Variants in KCNQ5 observed in about 807,000 individuals in gnomAD.
KCNQ5 encodes potassium voltage-gated channel subfamily KQT member 5.
In KCNQ5, 30 loss-of-function variants were observed where a neutral mutation model predicts 98.2. That is an observed-to-expected ratio of 0.31 (90% CI 0.23 to 0.41). The LOEUF (loss-of-function observed/expected upper bound fraction) is 0.41, where lower values mean the gene tolerates loss of function less well. Among genes scored for constraint, KCNQ5 ranks in the 10% least tolerant of loss-of-function variants. The pLI is 1.00. For missense variants in KCNQ5, 835 were observed against 1,182.5 expected, an observed-to-expected ratio of 0.71 and a Z score of 4.31; for synonymous variants, 458 against 449.4, an observed-to-expected ratio of 1.02 and a Z score of -0.24.
intron 1 of KCNQ5, among the ~76,000 whole-genome samples, chr6:72,799,270 T>G (rs1229870054): frequency 6.6e-6 from 1 of 152,168 alleles, no homozygotes; most frequent in Non-Finnish European, 1.5e-5. Context: ...TGCTCTTTAG[T>G]CCTTTTGGCC....
At chr6:72,924,205 TA>T (rs556079108) in intron 1 of KCNQ5, among the ~76,000 whole-genome samples, 25 of 152,208 alleles carry the variant, frequency 1.6e-4, no homozygotes, top group Non-Finnish European at 3.5e-4. Context: ...CCATCATTTT[TA>T]TAACAATTTC....
intron 1 of KCNQ5, among the ~76,000 whole-genome samples, chr6:72,883,305 ATGTTGT>A (rs565781521): frequency 4.0e-5 from 6 of 151,820 alleles, no homozygotes; most frequent in African/African-American, 9.7e-5. Context: ...CAAAAGAACA[ATGTTGT>A]TGTTGTTGTT....
chr6:72,707,259 TA>T (rs1211106115), intron 1 of KCNQ5, among the ~76,000 whole-genome samples: 1 of 152,196 alleles, frequency 6.6e-6, no homozygotes, highest in Non-Finnish European at 1.5e-5. Flanking sequence ...CAGTGTTGAT[TA>T]ATACTCTTTT....
intron 11 of KCNQ5, among the ~76,000 whole-genome samples, chr6:73,183,948 A>C (rs543815581): frequency 4.6e-5 from 7 of 152,190 alleles, no homozygotes; most frequent in African/African-American, 1.7e-4. Flanking sequence ...GGAATGAAAA[A>C]CTGAGGTTGT....
In KCNQ5 at chr6:73,133,523, C is replaced by G. The variant is rs749529273; in HGVS notation, c.1350C>G (p.Thr450=). The change falls in exon 10 of 14, where the codon ACC becomes ACG. Residue 450 remains threonine (T), a synonymous_variant. Transcript: ENST00000370398. Reference sequence around the variant, plus strand: ...TAGGTGACAGGAGGTCCCCAAGCACCGACATCACAGCCGAGGGCAGTCCCA... The same window carrying G: ...TAGGTGACAGGAGGTCCCCAAGCACGGACATCACAGCCGAGGGCAGTCCCA... ...ASVGDRRSPS[T]DITAEGSPTK... 6.2e-7 allele frequency: 1 copy of G among 1,614,158 alleles called. No homozygotes were observed. Among genetic ancestry groups the G allele is most frequent in the African/African-American group, 1.3e-5 (1 of 75,024 alleles).
chr6:72,695,045 C>G (rs962604205), intron 1 of KCNQ5, among the ~76,000 whole-genome samples: 3 of 152,138 alleles, frequency 2.0e-5, no homozygotes, highest in Admixed American at 1.3e-4. Context: ...TGGTTTCATT[C>G]ATTTTTATGG....
chr6:72,736,721 G>T (rs1053446113), intron 1 of KCNQ5, among the ~76,000 whole-genome samples: 3 of 150,698 alleles, frequency 2.0e-5, no homozygotes, highest in Non-Finnish European at 4.4e-5. Flanking sequence ...GGATGGTCTC[G>T]ATCTCCTGAC....
chr6:73,163,709 C>T lies in KCNQ5; in HGVS notation c.1469-6037C>T, dbSNP rs112798555. Among the ~76,000 whole-genome samples, 387 of 152,264 alleles carry T rather than the reference C, an allele frequency of 2.5e-3. 2 individuals are homozygous for T. The highest frequency in any genetic ancestry group is 8.5e-3 in the African/African-American group (355 of 41,548). ...GTTGCAGTGAGCCAAGATCGCGCCA[C>T]TTCACTCCAGCCTGGGCTAAAGAGC... is the stretch of plus-strand genomic sequence containing the variant. On this transcript the variant is annotated intron_variant, in intron 10 of 13. Transcript: ENST00000370398.
At chr6:72,712,536 G>T (rs1466132560) in intron 1 of KCNQ5, among the ~76,000 whole-genome samples, 1 of 152,114 alleles carries the variant, frequency 6.6e-6, no homozygotes, top group Admixed American at 6.5e-5. Flanking sequence ...GTTAATAGCC[G>T]CTTGGAACTA....
In KCNQ5 at chr6:72,895,023, T is replaced by C. The variant is rs78101814; in HGVS notation, c.399-108885T>C. 4.9e-3 allele frequency among the ~76,000 whole-genome samples: 723 copies of C among 147,362 alleles called. 12 individuals carry two copies. The highest frequency in any genetic ancestry group is 0.021 in the Admixed American group (306 of 14,454). On this transcript the variant is annotated intron_variant, in intron 1 of 13. Transcript: ENST00000370398. ...CAGTAGGTTTAAGGTGGAGCCCCAG[T>C]AATCCCAGACTTTGGGAGGCCGAGA...
intron 1 of KCNQ5, among the ~76,000 whole-genome samples, chr6:72,665,215 G>A (rs1159173166): frequency 1.3e-5 from 2 of 151,788 alleles, no homozygotes; most frequent in African/African-American, 4.8e-5. Context: ...AGGCATGGTG[G>A]TGCACGCCTG....
chr6:73,148,858 T>C (rs1355380900), intron 10 of KCNQ5, among the ~76,000 whole-genome samples: 2 of 152,090 alleles, frequency 1.3e-5, no homozygotes, highest in Admixed American at 1.3e-4. Flanking sequence ...TCATGTTACG[T>C]AGAAATGCAG....
At chr6:72,818,473 G>A (rs1775600434) in intron 1 of KCNQ5, among the ~76,000 whole-genome samples, 1 of 151,996 alleles carries the variant, frequency 6.6e-6, no homozygotes, top group East Asian at 1.9e-4. Context: ...AGTTGTATTT[G>A]TAGTACCTAT....
chr6:73,130,152 TTGCCATA>T (rs1355325830), intron 9 of KCNQ5, among the ~76,000 whole-genome samples: 4 of 152,224 alleles, frequency 2.6e-5, no homozygotes, highest in Non-Finnish European at 5.9e-5. Context: ...TATGGCTCAG[TTGCCATA>T]TTGTGCCTGA....
intron 1 of KCNQ5, among the ~76,000 whole-genome samples, chr6:72,980,640 C>T (rs1383316183): frequency 6.6e-6 from 1 of 152,174 alleles, no homozygotes; most frequent in African/African-American, 2.4e-5. Context: ...TTGACTTCCT[C>T]TTTTCCTAAT....
intron 1 of KCNQ5, among the ~76,000 whole-genome samples, chr6:72,871,381 C>A (rs920937602): frequency 6.6e-6 from 1 of 152,088 alleles, no homozygotes; most frequent in Admixed American, 6.6e-5. Context: ...TTTTTCCCTT[C>A]TCTTGTTATT....
chr6:73,075,430 C>T (rs1425377711), intron 3 of KCNQ5, among the ~76,000 whole-genome samples: 2 of 152,058 alleles, frequency 1.3e-5, no homozygotes, highest in South Asian at 2.1e-4. Context: ...ACCATGTTGG[C>T]CAGGATGGTC....
chr6:72,706,918 A>G (rs1383803196), intron 1 of KCNQ5, among the ~76,000 whole-genome samples: 3 of 152,216 alleles, frequency 2.0e-5, no homozygotes, highest in Non-Finnish European at 4.4e-5. Context: ...ATATATAAAC[A>G]TGAAGACACA....
intron 3 of KCNQ5, among the ~76,000 whole-genome samples, chr6:73,051,500 A>G (rs536567702): frequency 1.4e-4 from 21 of 152,288 alleles, no homozygotes; most frequent in South Asian, 2.1e-4. Flanking sequence ...GGAACACCTT[A>G]GCGCCTCCAC....
Sources: allele counts gnomAD v4.1 joint callset (sites outside exome capture counted in the v4.1 genomes callset), GRCh38; gene constraint gnomAD v4.1.1; transcripts MANE v1.5; gene names NCBI Gene and HGNC (gene_info 2026-07-23, HGNC 2026-07-21).